Variants in GUCD1 observed in about 807,000 individuals in gnomAD.
The protein encoded by GUCD1 is protein GUCD1.
Under a neutral mutation model 28.3 loss-of-function variants are expected in GUCD1, and 17 were observed. The observed-to-expected ratio is 0.60, with a 90% CI of 0.41 to 0.90. GUCD1 has a LOEUF of 0.90. Ranked by LOEUF, GUCD1 falls within the 40% of genes least tolerant of loss-of-function variation. The pLI is 0.00. For missense variants in GUCD1, 279 were observed against 305.5 expected (o/e 0.91, Z 0.65); for synonymous variants, 129 against 123.3 (o/e 1.05, Z -0.30).
At chr22:24,550,951 A>T (rs2044856525) in intron 1 of GUCD1, among the ~76,000 whole-genome samples, 1 of 152,136 alleles carries the variant, frequency 6.6e-6, no homozygotes. Context: ...CGTTCCCAAG[A>T]GGCAGGGACC....
chr22:24,544,098 G>A lies in GUCD1; in HGVS notation c.387-15C>T. 6.2e-7 allele frequency: 1 copy of A among 1,603,312 alleles called. No homozygotes were observed. Among genetic ancestry groups the A allele is most frequent in the Non-Finnish European group, 8.5e-7 (1 of 1,171,904 alleles). ...CACTCACTGTGCTGTGGGCGGGAGGGGGGTCAGCTGGTGCTGCTGGGCCCC... is the reference window on the plus strand; with the variant it reads ...CACTCACTGTGCTGTGGGCGGGAGGAGGGTCAGCTGGTGCTGCTGGGCCCC... On this transcript the variant is annotated splice_polypyrimidine_tract_variant and intron_variant, in intron 4 of 5. Transcript: ENST00000435822.
chr22:24,544,773 A>G (rs1253260051), intron 4 of GUCD1, among the ~76,000 whole-genome samples: 1 of 152,174 alleles, frequency 6.6e-6, no homozygotes, highest in Non-Finnish European at 1.5e-5. Flanking sequence ...GTGCTTTGGG[A>G]GGCCAAAGCG....
upstream of GUCD1, chr22:24,555,148 C>G: frequency 7.6e-7 from 1 of 1,309,528 alleles, no homozygotes; most frequent in Non-Finnish European, 9.7e-7. Flanking sequence ...TGGGCCGCCC[C>G]AAGCGCCGCC....
chr22:24,548,670 G>A (rs1444431501), intron 2 of GUCD1, among the ~76,000 whole-genome samples: 1 of 152,206 alleles, frequency 6.6e-6, no homozygotes, highest in Non-Finnish European at 1.5e-5. Context: ...TGTAGGACAG[G>A]CCTGGGCACC....
chr22:24,555,813 C>G, upstream of GUCD1: 1 of 1,547,118 alleles, frequency 6.5e-7, no homozygotes, highest in South Asian at 1.2e-5. Context: ...CGGCGGCCCC[C>G]GGGCCCAGTC....
At chr22:24,555,216 A>G, upstream of GUCD1, 1 of 1,300,594 alleles carries the variant, frequency 7.7e-7, no homozygotes, top group Non-Finnish European at 9.7e-7. Flanking sequence ...CCCCGCCCCA[A>G]ACTTTGATCT....
chr22:24,551,659 CTT>C (rs1418735455), intron 1 of GUCD1, among the ~76,000 whole-genome samples: 2 of 151,916 alleles, frequency 1.3e-5, no homozygotes, highest in Non-Finnish European at 2.9e-5. Context: ...CTCAAAATCT[CTT>C]CTTAGAGGTT....
At chr22:24,555,576 C>T, upstream of GUCD1, 1 of 1,545,488 alleles carries the variant, frequency 6.5e-7, no homozygotes, top group Middle Eastern at 1.7e-4. Flanking sequence ...CTAACTTTAT[C>T]CGTACCAGAT....
At chr22:24,548,386 G>A (rs1054325210) in intron 2 of GUCD1, among the ~76,000 whole-genome samples, 4 of 152,164 alleles carry the variant, frequency 2.6e-5, no homozygotes, top group African/African-American at 9.7e-5. Flanking sequence ...TCACATCAGT[G>A]GTTTTCAAAG....
At chr22:24,555,140 G>T, upstream of GUCD1, 3 of 1,304,794 alleles carry the variant, frequency 2.3e-6, no homozygotes, top group South Asian at 4.5e-5. Context: ...GCGGCGGCTG[G>T]GCCGCCCCAA....
At chr22:24,553,792 C>T (rs916350421) in intron 1 of GUCD1, among the ~76,000 whole-genome samples, 6 of 152,262 alleles carry the variant, frequency 3.9e-5, no homozygotes, top group African/African-American at 1.4e-4. Flanking sequence ...ATCCTGAGGC[C>T]TGGCAGGCCC....
intron 1 of GUCD1, among the ~76,000 whole-genome samples, chr22:24,549,800 G>C (rs1020123055): frequency 6.6e-6 from 1 of 152,134 alleles, no homozygotes; most frequent in Non-Finnish European, 1.5e-5. Flanking sequence ...GATTACAGGC[G>C]TGAGCCATTC....
chr22:24,550,180 C>A (rs576824597), intron 1 of GUCD1, among the ~76,000 whole-genome samples: 7 of 152,186 alleles, frequency 4.6e-5, no homozygotes, highest in African/African-American at 1.7e-4. Flanking sequence ...GTCTGGCCAT[C>A]CCTAAACAGG....
chr22:24,546,868 G>T, intron 4 of GUCD1, 46 bp downstream of exon 4: 1 of 1,506,242 alleles, frequency 6.6e-7, no homozygotes, highest in Non-Finnish European at 9.2e-7. Context: ...ATCTGTGGGT[G>T]AGCAGGCATG....
intron 4 of GUCD1, among the ~76,000 whole-genome samples, chr22:24,545,994 C>T (rs989043737): frequency 4.0e-5 from 6 of 151,598 alleles, no homozygotes; most frequent in Admixed American, 1.3e-4. Flanking sequence ...CAGAGTCTCG[C>T]TCTGTCCCCC....
In GUCD1 at chr22:24,547,624, AG is replaced by A. The variant is rs913912781; in HGVS notation, c.294+283del. The A allele has an allele frequency of 1.5e-5, 6 of 391,506 alleles. No homozygotes were observed. The East Asian group carries it at 1.8e-4, about 12-fold the overall frequency. 24.3% of individuals were successfully genotyped at this position (391,506 alleles called of 1,614,324 possible). Reference sequence around the variant, plus strand: ...TGCTGAGGACAGTAGGAAAGAACGTAGGAAGTGGCCTCTGCACATTCTGAGG... The same window carrying A: ...TGCTGAGGACAGTAGGAAAGAACGTAGAAGTGGCCTCTGCACATTCTGAGG... On this transcript the variant is annotated intron_variant, in intron 3 of 5. Transcript: ENST00000435822.
intron 1 of GUCD1, among the ~76,000 whole-genome samples, chr22:24,550,330 G>GCA: frequency 6.6e-6 from 1 of 152,284 alleles, no homozygotes; most frequent in East Asian, 1.9e-4. Flanking sequence ...AGCAAACATA[G>GCA]CAAAATAGAG....
Position 24,543,108 on chromosome 22 carries a change from T to C in GUCD1, c.629-11A>G. 1 of 1,609,670 alleles carries C rather than the reference T, an allele frequency of 6.2e-7. No individual in the cohort carries two copies. The highest frequency in any genetic ancestry group is 8.5e-7 in the Non-Finnish European group (1 of 1,176,458). On this transcript the variant is annotated splice_polypyrimidine_tract_variant and intron_variant, in intron 5 of 5. Coordinates refer to ENST00000435822, the MANE Select transcript of GUCD1 (RefSeq NM_001284254.2). Reference sequence around the variant, plus strand: ...TGGTGCTGCACATTCCTGCTGGGGGTGGGGAAGGCAGAACGGGGTCAGTGG... The same window carrying C: ...TGGTGCTGCACATTCCTGCTGGGGGCGGGGAAGGCAGAACGGGGTCAGTGG...
chr22:24,555,612 T>C (rs2045040637), upstream of GUCD1: 10 of 1,550,622 alleles, frequency 6.4e-6, no homozygotes, highest in Non-Finnish European at 8.7e-6. Flanking sequence ...GGGCCCCCCT[T>C]ACCTGGCGGT....
Sources: allele counts gnomAD v4.1 joint callset (sites outside exome capture counted in the v4.1 genomes callset), GRCh38; gene constraint gnomAD v4.1.1; transcripts MANE v1.5; gene names NCBI Gene and HGNC (gene_info 2026-07-23, HGNC 2026-07-21).